RABGAP1: variants seen among roughly 807,000 people sequenced by gnomAD.
RABGAP1 encodes rab GTPase-activating protein 1.
A neutral mutation model predicts 137.6 loss-of-function variants in RABGAP1; 23 were observed. That is an observed-to-expected ratio of 0.17 (90% CI 0.12 to 0.24). The LOEUF is 0.24. RABGAP1 is among the 10% of genes least tolerant of loss of function. RABGAP1 has a pLI of 1.00. For synonymous variants in RABGAP1, 451 were observed against 450.7 expected (o/e 1.00, Z -0.01); for missense variants, 906 against 1,275.8 (o/e 0.71, Z 4.42).
At chr9:123,086,929 T>C (rs1237957641) in intron 19 of RABGAP1, among the ~76,000 whole-genome samples, 1 of 152,182 alleles carries the variant, frequency 6.6e-6, no homozygotes, top group East Asian at 1.9e-4. Flanking sequence ...TGTATAATTA[T>C]GAAAATGATA....
intron 14 of RABGAP1, among the ~76,000 whole-genome samples, chr9:123,066,557 A>T (rs1190565401): frequency 6.6e-6 from 1 of 152,072 alleles, no homozygotes; most frequent in East Asian, 1.9e-4. Context: ...GCTCCCTCTC[A>T]TGCCTTCACT....
intron 12 of RABGAP1, among the ~76,000 whole-genome samples, chr9:123,019,496 T>C (rs1023407231): frequency 6.6e-6 from 1 of 152,026 alleles, no homozygotes; most frequent in African/African-American, 2.4e-5. Context: ...TATTTTTCTG[T>C]AGACACGGGG....
At chr9:123,089,709 C>A in intron 19 of RABGAP1, 49 bp from the exon 20 acceptor site, 1 of 1,484,902 alleles carries the variant, frequency 6.7e-7, no homozygotes, top group Non-Finnish European at 9.3e-7. Context: ...CACTGAAGCA[C>A]CCACTACTTT....
At chr9:122,991,303 GT>G (rs1373844362) in intron 6 of RABGAP1, among the ~76,000 whole-genome samples, 1 of 151,976 alleles carries the variant, frequency 6.6e-6, no homozygotes, top group African/African-American at 2.4e-5. Context: ...CAAAATGATT[GT>G]ATTATAATCA....
At chr9:123,040,524 C>T (rs1473727923) in intron 13 of RABGAP1, among the ~76,000 whole-genome samples, 4 of 152,064 alleles carry the variant, frequency 2.6e-5, no homozygotes, top group African/African-American at 9.7e-5. Context: ...TTCTTTAGTT[C>T]AATTAACTTC....
chr9:122,965,997 A>G (rs1413243750), intron 2 of RABGAP1, among the ~76,000 whole-genome samples: 1 of 152,204 alleles, frequency 6.6e-6, no homozygotes, highest in African/African-American at 2.4e-5. Flanking sequence ...TGAGCTGTTT[A>G]GTCTAAATCT....
chr9:123,089,603 C>G (rs1301171372), intron 19 of RABGAP1, 155 bp from the exon 20 acceptor site: 2 of 615,724 alleles, frequency 3.2e-6, no homozygotes, highest in Non-Finnish European at 5.7e-6. Flanking sequence ...GGCTTATACC[C>G]TACTCTGATG....
intron 15 of RABGAP1, chr9:123,071,534 A>T (rs896058091): frequency 6.6e-6 from 1 of 152,232 alleles, no homozygotes; most frequent in East Asian, 1.9e-4. Context: ...ATCCTCCTGG[A>T]TACAGAGCTT....
Position 123,015,514 on chromosome 9 carries a change from A to C in RABGAP1, c.1550-29A>C, listed in dbSNP as rs759643044. The C allele has an allele frequency of 6.9e-6, 10 of 1,444,012 alleles. No individual in the cohort carries two copies. The Admixed American group carries it at 1.6e-4, about 23-fold the overall frequency. The allele number at this position is 1,444,012 out of a possible 1,614,324, so 89.4% of individuals were successfully genotyped here. A position where few individuals can be genotyped will look rare whatever the true frequency, so the allele number is the denominator to read the frequency against. On this transcript the variant is annotated intron_variant, in intron 11 of 25. Transcript: ENST00000373647. Reference sequence around the variant, plus strand: ...TCTGGCTAGCATAGCCATCTCTGTTACCGTTTTTGTGTGTTTTGTTTATTA... The same window carrying C: ...TCTGGCTAGCATAGCCATCTCTGTTCCCGTTTTTGTGTGTTTTGTTTATTA...
chr9:123,088,467 G>A (rs1386296834), intron 19 of RABGAP1, among the ~76,000 whole-genome samples: 1 of 152,064 alleles, frequency 6.6e-6, no homozygotes, highest in Admixed American at 6.5e-5. Flanking sequence ...ATGGCTAGCT[G>A]TTCAGAGGAA....
At chr9:122,988,720 G>T (rs1328215364) in intron 4 of RABGAP1, among the ~76,000 whole-genome samples, 1 of 151,920 alleles carries the variant, frequency 6.6e-6, no homozygotes, top group African/African-American at 2.4e-5. Context: ...GGCCTAGGTG[G>T]GCGGATCACC....
At chr9:122,940,628 C>T (rs1262881252), upstream of RABGAP1, among the ~76,000 whole-genome samples, 51 of 152,196 alleles carry the variant, frequency 3.4e-4, no homozygotes, top group South Asian at 2.1e-4. Flanking sequence ...TCAAACAGGA[C>T]TTGCACATGA....
At chr9:123,046,670 A>G (rs1170669935) in intron 13 of RABGAP1, among the ~76,000 whole-genome samples, 1 of 152,246 alleles carries the variant, frequency 6.6e-6, no homozygotes, top group Non-Finnish European at 1.5e-5. Context: ...AGTACATGTT[A>G]GCTGGTACAG....
At chr9:122,992,917 C>T (rs142224381) in intron 6 of RABGAP1, among the ~76,000 whole-genome samples, 189 of 151,414 alleles carry the variant, frequency 1.2e-3, no homozygotes, top group African/African-American at 4.2e-3. Context: ...GCAAAATATA[C>T]CTTGGTTTGT....
intron 19 of RABGAP1, 139 bp from the exon 20 acceptor site, chr9:123,089,619 C>T (rs1430963940): frequency 6.2e-6 from 4 of 647,244 alleles, no homozygotes; most frequent in Non-Finnish European, 1.1e-5. Context: ...TGATGATTTC[C>T]CTCCAAAAAA....
chr9:123,079,066 C>T (rs1302025853), intron 19 of RABGAP1, among the ~76,000 whole-genome samples: 1 of 151,702 alleles, frequency 6.6e-6, no homozygotes, highest in African/African-American at 2.4e-5. Flanking sequence ...ACGGATTTTC[C>T]TCACTGAGAT....
chr9:122,993,388 C>A (rs1028328839), intron 6 of RABGAP1, among the ~76,000 whole-genome samples: 1 of 152,262 alleles, frequency 6.6e-6, no homozygotes, highest in East Asian at 1.9e-4. Flanking sequence ...TCTACTGCTT[C>A]AACCTCCCGA....
rs920448934 is a variant in RABGAP1, at chr9:123,053,149, T to G, written c.1795-12199T>G. Reference sequence around the variant, plus strand: ...TAAGAGAAAACATAATGTTACTGGGTTTTTTTTGTCACTTTTCTTGGCTCT... The same window carrying G: ...TAAGAGAAAACATAATGTTACTGGGGTTTTTTTGTCACTTTTCTTGGCTCT... On this transcript the variant is annotated intron_variant, in intron 13 of 25. Transcript: ENST00000373647. Among the ~76,000 whole-genome samples, 8 of 151,990 alleles carry G rather than the reference T, an allele frequency of 5.3e-5. No individual in the cohort carries two copies. In the South Asian group the frequency reaches 1.5e-3, roughly 28 times the overall value.
At chr9:122,995,819 T>C (rs972103616) in intron 6 of RABGAP1, among the ~76,000 whole-genome samples, 2 of 152,180 alleles carry the variant, frequency 1.3e-5, no homozygotes, top group African/African-American at 4.8e-5. Flanking sequence ...TCTACTCACC[T>C]CAGTCTCCCA....
Sources: gnomAD v4.1 joint callset for allele counts (sites outside exome capture counted in the v4.1 genomes callset) on GRCh38, gnomAD v4.1.1 for gene constraint, MANE v1.5 for transcripts, NCBI Gene and HGNC (gene_info 2026-07-23, HGNC 2026-07-21) for gene names.